The following THSD4 variants were observed in gnomAD, a reference collection of about 807,000 sequenced individuals.
The protein encoded by THSD4 is thrombospondin type-1 domain-containing protein 4.
Under a neutral mutation model 119.0 loss-of-function variants are expected in THSD4, and 69 were observed. The observed-to-expected ratio is 0.58, with a 90% CI of 0.48 to 0.71. The LOEUF (loss-of-function observed/expected upper bound fraction) is 0.71. THSD4 is among the 30% of genes least tolerant of loss of function. THSD4 has a pLI of 0.00. For synonymous variants in THSD4, 524 were observed against 540.4 expected (o/e 0.97, Z 0.42); for missense variants, 1,393 against 1,391.1 (o/e 1.00, Z -0.02).
In THSD4 at chr15:71,215,746, G is replaced by A. The variant is rs566076761; in HGVS notation, c.464+347G>A. Among the ~76,000 whole-genome samples, 3 of 152,164 alleles carry A rather than the reference G, an allele frequency of 2.0e-5. No homozygotes were observed. In the East Asian group the frequency reaches 5.8e-4, roughly 29 times the overall value. ...GGGTGCCGGGAAGGAGAGATCCTCA[G>A]CCTGTGTGGATTAAAGCTGAGGACA... On this transcript the variant is annotated intron_variant, in intron 4 of 17. Transcript: ENST00000261862.
At chr15:71,291,543 G>C (rs994824142) in intron 6 of THSD4, among the ~76,000 whole-genome samples, 1 of 152,190 alleles carries the variant, frequency 6.6e-6, no homozygotes, top group Non-Finnish European at 1.5e-5. Context: ...TCTTACTTGA[G>C]GGAGGGTCAG....
rs2044321738 is a variant in THSD4, at chr15:71,256,688, T to C, written c.988T>C (p.Phe330Leu). ...SYNNKPFMGR[F>L]YEWEPFAEVK... ...CAACAACAAGCCATTCATGGGCCGGTTTTATGAGTGGGAACCATTTGCAGA... is the reference window on the plus strand; with the variant it reads ...CAACAACAAGCCATTCATGGGCCGGCTTTATGAGTGGGAACCATTTGCAGA... Residue 330 changes from phenylalanine (F) to leucine (L), a missense_variant, in exon 6 of 18, where the codon TTT becomes CTT. Coordinates refer to ENST00000261862, the MANE Select transcript of THSD4 (RefSeq NM_024817.3). 2 of 1,613,652 alleles carry C rather than the reference T, an allele frequency of 1.2e-6. No homozygotes were observed. The highest frequency in any genetic ancestry group is 1.3e-5 in the African/African-American group (1 of 74,932).
intron 3 of THSD4, among the ~76,000 whole-genome samples, chr15:71,198,880 C>T (rs1408552288): frequency 2.0e-5 from 3 of 152,174 alleles, no homozygotes; most frequent in African/African-American, 7.2e-5. Context: ...TGAATCAGAG[C>T]GACATTCCTT....
chr15:71,584,387 G>C (rs2049622769), intron 7 of THSD4, among the ~76,000 whole-genome samples: 1 of 147,862 alleles, frequency 6.8e-6, no homozygotes, highest in Admixed American at 6.9e-5. Flanking sequence ...TCCTGCCTCA[G>C]CCTCCTAAGT....
upstream of THSD4, chr15:71,110,656 G>GGC: frequency 6.2e-6 from 1 of 160,576 alleles, no homozygotes; most frequent in Admixed American, 5.7e-5. Flanking sequence ...GCTCTAGCCA[G>GGC]TGTCCTGTAT....
At chr15:71,434,572 T>C (rs924305295) in intron 7 of THSD4, among the ~76,000 whole-genome samples, 2 of 151,524 alleles carry the variant, frequency 1.3e-5, no homozygotes, top group African/African-American at 2.4e-5. Flanking sequence ...GAATGAGTTG[T>C]AGAGGAGATA....
At chr15:71,766,041 A>C (rs2053712054) in intron 16 of THSD4, among the ~76,000 whole-genome samples, 1 of 152,056 alleles carries the variant, frequency 6.6e-6, no homozygotes. Context: ...CTTTTTTAAA[A>C]TCTTGTGGCC....
chr15:71,565,371 G>A (rs145500785), intron 7 of THSD4, among the ~76,000 whole-genome samples: 88 of 152,328 alleles, frequency 5.8e-4, no homozygotes, highest in African/African-American at 2.0e-3. Flanking sequence ...TATTGACTGT[G>A]TAATGCAGCC....
Position 71,215,051 on chromosome 15 carries a change from C to T in THSD4, c.116C>T (p.Ala39Val), listed in dbSNP as rs1334199857. 3 of 1,290,626 alleles carry T rather than the reference C, an allele frequency of 2.3e-6. No homozygotes were observed. Among genetic ancestry groups the T allele is most frequent in the Non-Finnish European group, 2.0e-6 (2 of 1,014,920 alleles). The allele number at this position is 1,290,626 out of a possible 1,614,324, so 79.9% of individuals were successfully genotyped here. Residue 39 changes from alanine to valine, a missense_variant, in exon 4 of 18, where the codon GCG becomes GTG. Transcript: ENST00000261862. The part of the protein sequence containing the change: ...TQHRKVPQRM[A>V]AEGAPEDDGG... ...TCTCCGCAGGTCCCGCAGCGGATGG[C>T]GGCGGAGGGCGCCCCCGAGGACGAC...
chr15:71,128,036 A>G (rs1201118129), intron 1 of THSD4, among the ~76,000 whole-genome samples: 5 of 152,160 alleles, frequency 3.3e-5, no homozygotes, highest in Non-Finnish European at 7.4e-5. Context: ...AGTTTCTAGC[A>G]TTACATTTAA....
intron 6 of THSD4, among the ~76,000 whole-genome samples, chr15:71,311,162 A>G (rs1172746214): frequency 1.3e-5 from 2 of 152,182 alleles, no homozygotes; most frequent in East Asian, 1.9e-4. Flanking sequence ...AGTTCTAACC[A>G]TCGTATTTCA....
chr15:71,718,884 G>A (rs1416453514), intron 8 of THSD4, among the ~76,000 whole-genome samples: 1 of 152,142 alleles, frequency 6.6e-6, no homozygotes, highest in Non-Finnish European at 1.5e-5. Flanking sequence ...CTCTGGTCAC[G>A]TTGTATTGGC....
intron 7 of THSD4, among the ~76,000 whole-genome samples, chr15:71,567,338 G>T (rs1347279745): frequency 6.6e-6 from 1 of 152,122 alleles, no homozygotes; most frequent in Non-Finnish European, 1.5e-5. Flanking sequence ...ACCAGCAGAG[G>T]ACAGAGGAAG....
chr15:71,470,688 T>G (rs2047565133), intron 7 of THSD4, among the ~76,000 whole-genome samples: 1 of 151,862 alleles, frequency 6.6e-6, no homozygotes, highest in Non-Finnish European at 1.5e-5. Flanking sequence ...GACTGCGGAC[T>G]GCAGTGGCGC....
chr15:71,493,155 C>T (rs983275715), intron 7 of THSD4, among the ~76,000 whole-genome samples: 49 of 152,186 alleles, frequency 3.2e-4, no homozygotes, highest in Admixed American at 1.8e-3. Flanking sequence ...GGTATAAAAG[C>T]ATGAATGCTA....
intron 6 of THSD4, among the ~76,000 whole-genome samples, chr15:71,369,369 A>G (rs1025654672): frequency 1.3e-5 from 2 of 152,186 alleles, no homozygotes; most frequent in African/African-American, 2.4e-5. Flanking sequence ...CAGTTTTCAA[A>G]GGGAAAGCTT....
At chr15:71,354,237 G>A (rs556495264) in intron 6 of THSD4, among the ~76,000 whole-genome samples, 6 of 152,342 alleles carry the variant, frequency 3.9e-5, no homozygotes, top group Non-Finnish European at 8.8e-5. Flanking sequence ...TGAGGCTGCA[G>A]TGAGCCATGC....
chr15:71,777,386 C>A lies in THSD4; in HGVS notation c.*12C>A. 1 of 1,611,450 alleles carries A rather than the reference C, an allele frequency of 6.2e-7. No individual in the cohort carries two copies. Among genetic ancestry groups the A allele is most frequent in the Non-Finnish European group, 8.5e-7 (1 of 1,179,262 alleles). ...TGGGGAGCAGATAACACTCCTGCAC[C>A]CCCATCAGTAGGGCAGCATCACTGC... On this transcript the variant is annotated 3_prime_UTR_variant, in exon 18 of 18. Transcript: ENST00000261862.
intron 8 of THSD4, among the ~76,000 whole-genome samples, chr15:71,680,250 TG>T (rs1325551887): frequency 6.6e-6 from 1 of 152,218 alleles, no homozygotes; most frequent in African/African-American, 2.4e-5. Context: ...CCTGTTTTGT[TG>T]GTAAGTTCTG....
Sources: allele counts gnomAD v4.1 joint callset (sites outside exome capture counted in the v4.1 genomes callset), GRCh38; gene constraint gnomAD v4.1.1; transcripts MANE v1.5; gene names NCBI Gene and HGNC (gene_info 2026-07-23, HGNC 2026-07-21).